TRIO: variants seen among roughly 807,000 people sequenced by gnomAD.
TRIO encodes the protein triple functional domain protein.
Under a neutral mutation model 351.9 loss-of-function variants are expected in TRIO, and 58 were observed. The ratio of observed to expected loss-of-function variants is 0.16; its 90% CI spans 0.13 to 0.21. The LOEUF (loss-of-function observed/expected upper bound fraction) is 0.21. Among genes scored for constraint, TRIO ranks in the 10% least tolerant of loss-of-function variants. The pLI, the probability that TRIO is intolerant of heterozygous loss-of-function variation, is 1.00. For missense variants in TRIO, 3,201 were observed against 4,027.8 expected, an observed-to-expected ratio of 0.79 and a Z score of 5.56; for synonymous variants, 1,758 against 1,595.7, an observed-to-expected ratio of 1.10 and a Z score of -2.42.
chr5:14,459,402 G>A (rs181003144), intron 34 of TRIO, among the ~76,000 whole-genome samples: 6 of 152,312 alleles, frequency 3.9e-5, no homozygotes, highest in African/African-American at 4.8e-5. Context: ...CATTGTCACC[G>A]TTCTGCTTTC....
chr5:14,504,328 CAG>C (rs1338786999), intron 54 of TRIO, 63 bp from the exon 55 acceptor site: 102 of 1,565,014 alleles, frequency 6.5e-5, no homozygotes, highest in Non-Finnish European at 8.6e-5. Flanking sequence ...TTTAGGATAA[CAG>C]AGTCTTTCTC....
intron 48 of TRIO, among the ~76,000 whole-genome samples, chr5:14,490,299 C>T (rs1051754262): frequency 6.6e-6 from 1 of 152,180 alleles, no homozygotes; most frequent in African/African-American, 2.4e-5. Context: ...CACGTATTTG[C>T]ACTTCTGTCC....
intron 34 of TRIO, among the ~76,000 whole-genome samples, chr5:14,453,257 T>C (rs1752980367): frequency 6.6e-6 from 1 of 152,212 alleles, no homozygotes; most frequent in Non-Finnish European, 1.5e-5. Context: ...TGAACATCTT[T>C]TTAAGTGACT....
intron 1 of TRIO, among the ~76,000 whole-genome samples, chr5:14,211,758 C>A (rs1295846668): frequency 6.6e-6 from 1 of 151,258 alleles, no homozygotes; most frequent in Non-Finnish European, 1.5e-5. Flanking sequence ...TCAAATAGTA[C>A]TATGAAGAGA....
At chr5:14,165,886 C>T (rs537253783) in intron 1 of TRIO, among the ~76,000 whole-genome samples, 9 of 152,304 alleles carry the variant, frequency 5.9e-5, no homozygotes, top group Middle Eastern at 6.8e-3. Context: ...GGTAGGTGGC[C>T]GCTAGGCCCA....
intron 34 of TRIO, among the ~76,000 whole-genome samples, chr5:14,439,218 G>A (rs1427188773): frequency 6.6e-6 from 1 of 152,166 alleles, no homozygotes; most frequent in Non-Finnish European, 1.5e-5. Context: ...GTTTCACCAT[G>A]TTGGCCAGGC....
At chr5:14,477,160 T>C (rs1308562777) in intron 41 of TRIO, 197 bp downstream of exon 41, 34 of 542,884 alleles carry the variant, frequency 6.3e-5, no homozygotes, top group Non-Finnish European at 1.6e-5. Flanking sequence ...GTCACCTGGC[T>C]GAAGCTGGCT....
chr5:14,375,491 C>G (rs1353833414), intron 19 of TRIO, among the ~76,000 whole-genome samples: 2 of 152,126 alleles, frequency 1.3e-5, no homozygotes, highest in South Asian at 4.1e-4. Context: ...TGTTGTATAT[C>G]CTAATGTTGG....
At chr5:14,323,241 A>G (rs1740045064) in intron 9 of TRIO, among the ~76,000 whole-genome samples, 1 of 152,120 alleles carries the variant, frequency 6.6e-6, no homozygotes, top group Non-Finnish European at 1.5e-5. Flanking sequence ...TCTCACACAC[A>G]ATAGAATTTG....
At chr5:14,467,587 A>G (rs1234943082) in intron 37 of TRIO, among the ~76,000 whole-genome samples, 1 of 152,162 alleles carries the variant, frequency 6.6e-6, no homozygotes, top group South Asian at 2.1e-4. Context: ...AGGCCAAGGC[A>G]GGCATATTGC....
chr5:14,367,076 G>GTCA, intron 16 of TRIO, 97 bp downstream of exon 16: 1 of 1,529,432 alleles, frequency 6.5e-7, no homozygotes, highest in Non-Finnish European at 8.8e-7. Flanking sequence ...GAACCACATG[G>GTCA]GGCTGGCTTG....
At chr5:14,403,396 GGTTGTGA>G in intron 31 of TRIO, among the ~76,000 whole-genome samples, 1 of 106,580 alleles carries the variant, frequency 9.4e-6, no homozygotes. Context: ...TGAGGGTGTA[GGTTGTGA>G]TGAGGGTGTA....
chr5:14,407,645 G>A (rs535778672), intron 33 of TRIO, among the ~76,000 whole-genome samples: 2 of 152,360 alleles, frequency 1.3e-5, no homozygotes, highest in Admixed American at 6.5e-5. Flanking sequence ...CAACAGTGAT[G>A]ACCACTGTGA....
intron 21 of TRIO, among the ~76,000 whole-genome samples, chr5:14,383,149 C>T (rs2152356259): frequency 6.6e-6 from 1 of 152,300 alleles, no homozygotes; most frequent in East Asian, 1.9e-4. Context: ...TGACAAGATC[C>T]TGTCTCTACA....
intron 34 of TRIO, among the ~76,000 whole-genome samples, chr5:14,432,315 T>C (rs1484496790): frequency 1.3e-5 from 2 of 152,246 alleles, no homozygotes; most frequent in Non-Finnish European, 2.9e-5. Flanking sequence ...AGATAGCCAC[T>C]GTACATACTG....
In TRIO at chr5:14,497,111, C is replaced by G; in HGVS notation, c.8019+94C>G. On this transcript the variant is annotated intron_variant, in intron 50 of 56. Coordinates refer to ENST00000344204, the MANE Select transcript of TRIO (RefSeq NM_007118.4). The surrounding 1 kb of genome is among the most constrained non-coding windows in gnomAD (Gnocchi z 4.4). ...CTCTGCAGACCTGAAGCTGGGCTTG[C>G]TTATGACCTCCCTCCCACCCACCAG... 3 of 1,518,982 alleles carry G rather than the reference C, an allele frequency of 2.0e-6. No homozygotes were observed. Among genetic ancestry groups the G allele is most frequent in the East Asian group, 4.8e-5 (2 of 41,846 alleles). 94.1% of individuals were successfully genotyped at this position (1,518,982 alleles called of 1,614,324 possible).
At position 14,405,994 on chromosome 5, in the gene TRIO, C is replaced by G; in HGVS notation, c.4859+4C>G. ...CCACAAGACAGAAGGGAAGGAGGTG[C>G]GTGTCTGGGCGCCACTGGAGGTTTG... On this transcript the variant is annotated splice_donor_region_variant and intron_variant, in intron 32 of 56. Coordinates refer to ENST00000344204, the MANE Select transcript of TRIO (RefSeq NM_007118.4). 6.2e-7 allele frequency: 1 copy of G among 1,612,178 alleles called. No individual in the cohort carries two copies. The highest frequency in any genetic ancestry group is 8.5e-7 in the Non-Finnish European group (1 of 1,179,164).
chr5:14,336,501 T>TA (rs1741432914), intron 10 of TRIO, 35 bp from the exon 11 acceptor site: 1 of 1,606,066 alleles, frequency 6.2e-7, no homozygotes, highest in African/African-American at 1.3e-5. Flanking sequence ...GCTTTTCACT[T>TA]ACCTTCTGTT....
chr5:14,276,933 G>A (rs1187577764), intron 2 of TRIO, among the ~76,000 whole-genome samples: 1 of 152,220 alleles, frequency 6.6e-6, no homozygotes, highest in Non-Finnish European at 1.5e-5. Flanking sequence ...TATAGCTATA[G>A]TGTAGGACCC....
Sources: allele counts gnomAD v4.1 joint callset (sites outside exome capture counted in the v4.1 genomes callset), GRCh38; gene constraint gnomAD v4.1.1; non-coding constraint Gnocchi (gnomAD v3.1); transcripts MANE v1.5; gene names NCBI Gene and HGNC (gene_info 2026-07-23, HGNC 2026-07-21).